Variants in TBC1D4 observed in about 807,000 individuals in gnomAD.
TBC1D4 encodes the protein TBC (Tre-2, BUB2, CDC16) domain-containing protein.
Under a neutral mutation model 142.5 loss-of-function variants are expected in TBC1D4, and 121 were observed. The ratio of observed to expected loss-of-function variants is 0.85; its 90% confidence interval spans 0.73 to 0.99. The LOEUF is 0.99. TBC1D4 is among the 50% of genes least tolerant of loss of function. The pLI is 0.00. For synonymous variants in TBC1D4, 630 were observed against 628.2 expected (o/e 1.00, Z -0.04); for missense variants, 1,475 against 1,606.6 (o/e 0.92, Z 1.40).
chr13:75,405,355 C>T (rs891554082), intron 1 of TBC1D4, among the ~76,000 whole-genome samples: 50 of 150,098 alleles, frequency 3.3e-4, no homozygotes, highest in African/African-American at 1.2e-3. Flanking sequence ...CTGCAACCTC[C>T]GCCTCCCGGG....
At chr13:75,400,684 G>T (rs6562894) in intron 1 of TBC1D4, among the ~76,000 whole-genome samples, 149,708 of 150,464 alleles carry the variant, frequency 0.99, 74,483 homozygotes, top group Middle Eastern at 1. Context: ...GCCAGGATGG[G>T]CTCGATCTCC....
At chr13:75,426,571 C>T (rs1318123857) in intron 1 of TBC1D4, among the ~76,000 whole-genome samples, 3 of 152,186 alleles carry the variant, frequency 2.0e-5, no homozygotes, top group Non-Finnish European at 4.4e-5. Context: ...GTATGAGACT[C>T]AGGAACTATT....
At chr13:75,333,646 T>C (rs535114377) in intron 8 of TBC1D4, among the ~76,000 whole-genome samples, 1 of 152,184 alleles carries the variant, frequency 6.6e-6, no homozygotes, top group African/African-American at 2.4e-5. Context: ...ATAACTAAAA[T>C]ACAACTTTCA....
intron 1 of TBC1D4, among the ~76,000 whole-genome samples, chr13:75,426,963 T>C (rs1185618783): frequency 6.6e-6 from 1 of 151,934 alleles, no homozygotes; most frequent in Non-Finnish European, 1.5e-5. Flanking sequence ...GTGGGATGAC[T>C]GCTTGAGCCT....
intron 8 of TBC1D4, 81 bp from the exon 9 acceptor site, chr13:75,327,907 C>A: frequency 7.0e-7 from 1 of 1,419,250 alleles, no homozygotes; most frequent in South Asian, 1.2e-5. Context: ...TCCAGGTGGT[C>A]TCTTAATGTT....
rs540186527 is a variant in TBC1D4, at chr13:75,441,326, T to TA, written c.498+39943dup. On this transcript the variant is annotated intron_variant, in intron 1 of 20. Transcript: ENST00000377636. ...AATATATGAAACTATAGAATTCTAT[T>TA]AAAAAAACATGTAAAATGTTTACAA... 4.5e-4 allele frequency among the ~76,000 whole-genome samples: 68 copies of TA among 152,178 alleles called. No homozygotes were observed. The South Asian group carries it at 7.0e-3, about 16-fold the overall frequency.
At chr13:75,329,768 T>G (rs556167063) in intron 8 of TBC1D4, among the ~76,000 whole-genome samples, 1 of 152,330 alleles carries the variant, frequency 6.6e-6, no homozygotes, top group East Asian at 1.9e-4. Context: ...ATTTCACTAA[T>G]AGTTCGGCTG....
intron 14 of TBC1D4, among the ~76,000 whole-genome samples, chr13:75,308,765 T>C (rs1307378365): frequency 6.6e-6 from 1 of 152,218 alleles, no homozygotes; most frequent in Non-Finnish European, 1.5e-5. Flanking sequence ...AGACCATTTA[T>C]CAAACTGAAC....
intron 1 of TBC1D4, among the ~76,000 whole-genome samples, chr13:75,367,324 C>T (rs1220705025): frequency 3.3e-5 from 5 of 152,018 alleles, no homozygotes; most frequent in South Asian, 2.1e-4. Flanking sequence ...TTTATTCACA[C>T]GGTTCACTGA....
At chr13:75,295,822 A>AT (rs1875856090) in intron 17 of TBC1D4, among the ~76,000 whole-genome samples, 1 of 152,212 alleles carries the variant, frequency 6.6e-6, no homozygotes, top group East Asian at 1.9e-4. Flanking sequence ...CAGTTAAGAG[A>AT]TAAGTGATGG....
Position 75,286,973 on chromosome 13 carries a change from G to A in TBC1D4, c.3716C>T (p.Thr1239Met), listed in dbSNP as rs375003443. Residue 1239 changes from threonine to methionine, a missense_variant, in exon 21 of 21, where the codon ACG (threonine) becomes ATG (methionine). Thr to Met is a moderately conservative substitution (Grantham distance 81). This residue lies in a region of TBC1D4 where 248 missense variants were observed against 338.9 expected (regional missense o/e 0.73). Coordinates refer to ENST00000377636, the MANE Select transcript of TBC1D4 (RefSeq NM_014832.5). ...TAAAGACTTCATTTTGGTCTCTCTC[G>A]TCAAAAGATTTTCCAGGTTTGATTC... ...ALESNLENLL[T>M]RETKMKSLIR... The A allele has an allele frequency of 2.7e-5, 44 of 1,613,692 alleles. No individual in the cohort carries two copies. The highest frequency in any genetic ancestry group is 6.6e-5 in the South Asian group (6 of 91,070).
intron 12 of TBC1D4, among the ~76,000 whole-genome samples, chr13:75,313,963 C>T (rs1195560505): frequency 6.6e-6 from 1 of 152,168 alleles, no homozygotes; most frequent in East Asian, 1.9e-4. Context: ...ATTCTAGAAT[C>T]ACCTCCCTCA....
intron 8 of TBC1D4, 113 bp downstream of exon 8, chr13:75,336,808 T>G (rs1880253662): frequency 5.6e-6 from 7 of 1,254,994 alleles, no homozygotes; most frequent in South Asian, 5.5e-5. Context: ...TATCTTAGGT[T>G]TTTTTTTTGT....
chr13:75,473,966 T>C (rs919540178), intron 1 of TBC1D4, among the ~76,000 whole-genome samples: 10 of 152,320 alleles, frequency 6.6e-5, no homozygotes, highest in African/African-American at 2.4e-4. Flanking sequence ...TTATAAATAC[T>C]ATAGACTCAT....
intron 2 of TBC1D4, among the ~76,000 whole-genome samples, chr13:75,360,891 T>C (rs1332601476): frequency 1.3e-5 from 2 of 152,198 alleles, no homozygotes; most frequent in African/African-American, 4.8e-5. Flanking sequence ...GAACTTCCGA[T>C]AAAGCAAACT....
At chr13:75,423,286 T>A (rs1886243444) in intron 1 of TBC1D4, among the ~76,000 whole-genome samples, 1 of 152,002 alleles carries the variant, frequency 6.6e-6, no homozygotes, top group Admixed American at 6.6e-5. Context: ...AGCCAACTGG[T>A]AAGTTTTCAG....
At chr13:75,387,813 C>A (rs909177287) in intron 1 of TBC1D4, among the ~76,000 whole-genome samples, 2 of 152,166 alleles carry the variant, frequency 1.3e-5, no homozygotes, top group Non-Finnish European at 2.9e-5. Flanking sequence ...GTAAAAGAGG[C>A]TAGTTCAGCT....
In TBC1D4 at chr13:75,323,308, T is replaced by C. The variant is rs1022040738; in HGVS notation, c.2198+929A>G. ...AGTGGATAAAATGTAATGTATGAAA[T>C]GGAATACTATACAGCAATAAAAGTG... is the stretch of plus-strand genomic sequence containing the variant. On this transcript the variant is annotated intron_variant, in intron 11 of 20. Coordinates refer to ENST00000377636, the MANE Select transcript of TBC1D4 (RefSeq NM_014832.5). Among the ~76,000 whole-genome samples, 4 of 151,908 alleles carry C rather than the reference T, an allele frequency of 2.6e-5. 1 individual carries two copies. The highest frequency in any genetic ancestry group is 1.3e-4 in the Admixed American group (2 of 15,238).
At chr13:75,446,948 G>T (rs1176452905) in intron 1 of TBC1D4, among the ~76,000 whole-genome samples, 2 of 152,124 alleles carry the variant, frequency 1.3e-5, no homozygotes, top group South Asian at 2.1e-4. Flanking sequence ...AGGACCTGAG[G>T]GGGTGGGAAC....
Sources: gnomAD v4.1 joint callset for allele counts (sites outside exome capture counted in the v4.1 genomes callset) on GRCh38, gnomAD v4.1.1 for gene constraint, gnomAD v4.1.1 regional missense constraint, MANE v1.5 for transcripts, NCBI Gene and HGNC (gene_info 2026-07-23, HGNC 2026-07-21) for gene names.